The following UBN2 variants were observed in gnomAD, a reference collection of about 807,000 sequenced individuals.
UBN2 encodes ubinuclein-2.
UBN2 carries 35 observed loss-of-function variants against 120.2 expected under a neutral mutation model. The observed-to-expected ratio is 0.29, with a 90% CI of 0.22 to 0.39. The LOEUF is 0.39. Ranked by LOEUF, UBN2 falls within the 10% of genes least tolerant of loss-of-function variation. The pLI is 1.00. For missense variants in UBN2, 1,693 were observed against 1,663.2 expected (o/e 1.02, Z -0.31); for synonymous variants, 661 against 648.7 (o/e 1.02, Z -0.29).
At chr7:139,249,175 T>C (rs927948436) in intron 2 of UBN2, among the ~76,000 whole-genome samples, 4 of 152,130 alleles carry the variant, frequency 2.6e-5, no homozygotes, top group African/African-American at 4.8e-5. Flanking sequence ...TTACCTAACT[T>C]GTAAAATCTA....
rs1416547020 is a variant in UBN2, at chr7:139,291,909, G to T, written c.3670-1323G>T. On this transcript the variant is annotated intron_variant, in intron 15 of 17. Coordinates refer to ENST00000473989, the MANE Select transcript of UBN2 (RefSeq NM_173569.4). Reference sequence around the variant, plus strand: ...TAAAAAAGTCAAAATGGAAAAAAATGATTTAATTGCCATGTAGAAAATTGT... The same window carrying T: ...TAAAAAAGTCAAAATGGAAAAAAATTATTTAATTGCCATGTAGAAAATTGT... 2.0e-5 allele frequency among the ~76,000 whole-genome samples: 3 copies of T among 151,988 alleles called. No homozygotes were observed. The South Asian group carries it at 6.2e-4, about 32-fold the overall frequency.
the UBN2 span, among the ~76,000 whole-genome samples, chr7:139,325,943 C>A: frequency 6.6e-6 from 1 of 152,136 alleles, no homozygotes; most frequent in South Asian, 2.1e-4. Context: ...GTAATCCCAG[C>A]ACTTTGGGAG....
intron 2 of UBN2, among the ~76,000 whole-genome samples, chr7:139,239,396 T>C (rs903268334): frequency 1.3e-5 from 2 of 152,038 alleles, no homozygotes; most frequent in Non-Finnish European, 2.9e-5. Context: ...TGCAGTAAAT[T>C]AGTCTGTAAA....
Position 139,307,779 on chromosome 7 carries a change from C to T in UBN2, c.*9943C>T, listed in dbSNP as rs1417900661. On this transcript the variant is annotated 3_prime_UTR_variant, in exon 18 of 18. Transcript: ENST00000473989. ...TTCTCAGTTCTACGTGCCCTTTGAACTTTAATGGTAAAACATTTCACACTT... is the reference window on the plus strand; with the variant it reads ...TTCTCAGTTCTACGTGCCCTTTGAATTTTAATGGTAAAACATTTCACACTT... 2 of 152,116 alleles carry T rather than the reference C, an allele frequency of 1.3e-5. No individual in the cohort carries two copies. Among genetic ancestry groups the T allele is most frequent in the East Asian group, 1.9e-4 (1 of 5,200 alleles). The allele number at this position is 152,116 out of a possible 1,614,324, so 9.4% of individuals were successfully genotyped here. A position where few individuals can be genotyped will look rare whatever the true frequency, so the allele number is the denominator to read the frequency against.
chr7:139,279,258 ACTTT>A, intron 12 of UBN2, 56 bp from the exon 13 acceptor site: 1 of 1,296,864 alleles, frequency 7.7e-7, no homozygotes, highest in Non-Finnish European at 1.1e-6. Context: ...AAGCTATATA[ACTTT>A]CTAATGAGCA....
Position 139,259,150 on chromosome 7 carries a change from A to G in UBN2, c.802-117A>G, listed in dbSNP as rs547161287. 3.5e-6 allele frequency: 5 copies of G among 1,445,650 alleles called. No homozygotes were observed. In the South Asian group the frequency reaches 7.5e-5, roughly 22 times the overall value. 89.6% of individuals were successfully genotyped at this position (1,445,650 alleles called of 1,614,324 possible). A position where few individuals can be genotyped will look rare whatever the true frequency, so the allele number is the denominator to read the frequency against. ...AACCCCAAGGATCTGCAGTTATAACAAACGATTGTAATGCACACTGACATT... is the reference window on the plus strand; with the variant it reads ...AACCCCAAGGATCTGCAGTTATAACGAACGATTGTAATGCACACTGACATT... On this transcript the variant is annotated intron_variant, in intron 4 of 17. Coordinates refer to ENST00000473989, the MANE Select transcript of UBN2 (RefSeq NM_173569.4).
At chr7:139,232,548 ATGGAGAAG>A (rs1309211149) in intron 1 of UBN2, among the ~76,000 whole-genome samples, 1 of 152,342 alleles carries the variant, frequency 6.6e-6, no homozygotes, top group Admixed American at 6.5e-5. Context: ...CACTTTAGGA[ATGGAGAAG>A]TGGGTTAGTT....
the UBN2 span, among the ~76,000 whole-genome samples, chr7:139,316,214 AT>A: frequency 7.1e-6 from 1 of 141,590 alleles, no homozygotes; most frequent in East Asian, 2.2e-4. Context: ...TATTCTTTTG[AT>A]TTGAATTTTT....
chr7:139,319,343 G>A, the UBN2 span, among the ~76,000 whole-genome samples: 8 of 152,126 alleles, frequency 5.3e-5, no homozygotes, highest in African/African-American at 1.2e-4. Flanking sequence ...TGGGCTTCCC[G>A]AAGTGCTGGG....
downstream of UBN2, among the ~76,000 whole-genome samples, chr7:139,310,303 G>A (rs1324117536): frequency 7.5e-6 from 1 of 133,494 alleles, no homozygotes; most frequent in East Asian, 2.0e-4. Context: ...AAGACCCTGT[G>A]TCTTTAAAAA....
Position 139,231,514 on chromosome 7 carries a change from T to G in UBN2, c.30T>G (p.Ile10Met). MAEPRRVAFISLSPVRRREA... is the reference protein window; with the variant it reads MAEPRRVAFMSLSPVRRREA... ...CGGAGCCGCGCAGAGTAGCGTTCAT[T>G]AGCTTGTCACCGGTGCGGCGGCGCG... Residue 10 changes from isoleucine (I) to methionine (M), a missense_variant, in exon 1 of 18, where the codon ATT becomes ATG. Transcript: ENST00000473989. The G allele has an allele frequency of 7.1e-7, 1 of 1,416,162 alleles. No individual in the cohort carries two copies. The highest frequency in any genetic ancestry group is 9.3e-7 in the Non-Finnish European group (1 of 1,077,174). 87.7% of individuals were successfully genotyped at this position (1,416,162 alleles called of 1,614,324 possible).
intron 1 of UBN2, among the ~76,000 whole-genome samples, chr7:139,234,262 A>G (rs762471337): frequency 9.2e-5 from 14 of 152,114 alleles, no homozygotes; most frequent in Admixed American, 1.3e-4. Context: ...TTTTAGCTCC[A>G]GATGCTGAAA....
the UBN2 span, among the ~76,000 whole-genome samples, chr7:139,321,056 C>G: frequency 6.6e-6 from 1 of 152,192 alleles, no homozygotes; most frequent in African/African-American, 2.4e-5. Flanking sequence ...ATAATGATAA[C>G]TTCTTTTACT....
At chr7:139,275,152 C>T (rs1348152037) in intron 11 of UBN2, among the ~76,000 whole-genome samples, 1 of 151,338 alleles carries the variant, frequency 6.6e-6, no homozygotes, top group Non-Finnish European at 1.5e-5. Context: ...GTGGTGGGCA[C>T]CTGTAATCCC....
chr7:139,324,698 C>A, the UBN2 span, among the ~76,000 whole-genome samples: 7 of 150,036 alleles, frequency 4.7e-5, no homozygotes, highest in Non-Finnish European at 5.9e-5. Context: ...TGGCCGGGCG[C>A]GGTGGCTCAC....
In UBN2 at chr7:139,271,895, C is replaced by A. The variant is rs1301946508; in HGVS notation, c.1597-427C>A. ...GATACCAACGTCCGGTTGGTAGTCA[C>A]CCAAACCAAACACGTGTCTTCGTGT... is the stretch of plus-strand genomic sequence containing the variant. On this transcript the variant is annotated intron_variant, in intron 8 of 17. Coordinates refer to ENST00000473989, the MANE Select transcript of UBN2 (RefSeq NM_173569.4). Among the ~76,000 whole-genome samples, 5 of 152,150 alleles carry A rather than the reference C, an allele frequency of 3.3e-5. No individual in the cohort carries two copies. The South Asian group carries it at 6.2e-4, about 19-fold the overall frequency.
rs1554480228 is a variant in UBN2 at position 139,304,706 on chromosome 7, G to GGGGTGTGTGTGTGTGTGTGTGTGTGTGT, written c.*6871_*6872insGGTGTGTGTGTGTGTGTGTGTGTGTGTG. On this transcript the variant is annotated 3_prime_UTR_variant, in exon 18 of 18. Coordinates refer to ENST00000473989, the MANE Select transcript of UBN2 (RefSeq NM_173569.4). Reference sequence around the variant, plus strand: ...AGGTCCACTGAATCTCTAATGATAGGGTGTGTGTGTGTGTGTGTGTGTGTG... The same window carrying GGGGTGTGTGTGTGTGTGTGTGTGTGTGT: ...AGGTCCACTGAATCTCTAATGATAGGGGGTGTGTGTGTGTGTGTGTGTGTGTGTGTGTGTGTGTGTGTGTGTGTGTGTG... The GGGGTGTGTGTGTGTGTGTGTGTGTGTGT allele has an allele frequency of 5.7e-5, 8 of 140,480 alleles. No homozygotes were observed. The highest frequency in any genetic ancestry group is 1.6e-4 in the African/African-American group (6 of 38,132). 8.7% of individuals were successfully genotyped at this position (140,480 alleles called of 1,614,324 possible).
In UBN2 at chr7:139,266,285, A is replaced by G. The variant is rs1797098199; in HGVS notation, c.1396-48A>G. 3 of 1,202,904 alleles carry G rather than the reference A, an allele frequency of 2.5e-6. No homozygotes were observed. In the South Asian group the frequency reaches 4.0e-5, roughly 16 times the overall value. 74.5% of individuals were successfully genotyped at this position (1,202,904 alleles called of 1,614,324 possible). ...AACACGTGTCCTAAGAATGCAAAAT[A>G]GAGTAATGGCCTATTTTGATTTATT... On this transcript the variant is annotated intron_variant, in intron 6 of 17. Transcript: ENST00000473989.
Position 139,293,889 on chromosome 7 carries a change from A to G in UBN2, c.3902A>G (p.Asn1301Ser). The G allele has an allele frequency of 6.2e-7, 1 of 1,613,986 alleles. No individual in the cohort carries two copies. The highest frequency in any genetic ancestry group is 8.5e-7 in the Non-Finnish European group (1 of 1,179,912). ...SAAFHHSLTQNLLKGLQPGGA... is the reference protein window; with the variant it reads ...SAAFHHSLTQSLLKGLQPGGA... Reference sequence around the variant, plus strand: ...ACTGACAAGTCTGTTTTCCTCTCAGATTTACTAAAGGGTTTACAGCCAGGA... The same window carrying G: ...ACTGACAAGTCTGTTTTCCTCTCAGGTTTACTAAAGGGTTTACAGCCAGGA... The change falls in exon 17 of 18, where the codon AAT becomes AGT. Residue 1301 changes from asparagine (N) to serine (S), a missense_variant and splice_region_variant. By Grantham distance (46) the Asn-to-Ser change is conservative. Coordinates refer to ENST00000473989, the MANE Select transcript of UBN2 (RefSeq NM_173569.4).
Sources: allele counts gnomAD v4.1 joint callset (sites outside exome capture counted in the v4.1 genomes callset), GRCh38; gene constraint gnomAD v4.1.1; transcripts MANE v1.5; gene names NCBI Gene and HGNC (gene_info 2026-07-23, HGNC 2026-07-21).